ADAMTS6: variants seen among roughly 807,000 people sequenced by gnomAD.
ADAMTS6 encodes the protein ADAM metallopeptidase with thrombospondin type 1 motif 6.
A neutral mutation model predicts 144.3 loss-of-function variants in ADAMTS6; 23 were observed. The ratio of observed to expected loss-of-function variants is 0.16; its 90% CI spans 0.11 to 0.23. ADAMTS6 has a LOEUF of 0.23. ADAMTS6 is among the 10% of genes least tolerant of loss of function. ADAMTS6 has a pLI of 1.00. For synonymous variants in ADAMTS6, 444 were observed against 457.5 expected, an observed-to-expected ratio of 0.97 and a Z score of 0.38; for missense variants, 999 against 1,379.6, an observed-to-expected ratio of 0.72 and a Z score of 4.37.
chr5:65,371,631 A>G (rs1043889454), intron 7 of ADAMTS6, among the ~76,000 whole-genome samples: 1 of 152,210 alleles, frequency 6.6e-6, no homozygotes, highest in African/African-American at 2.4e-5. Context: ...TGAAAAGACC[A>G]AATCTACGTC....
chr5:65,181,259 A>T (rs1458075615), intron 22 of ADAMTS6, among the ~76,000 whole-genome samples: 1 of 152,238 alleles, frequency 6.6e-6, no homozygotes, highest in Non-Finnish European at 1.5e-5. Context: ...GACCTAATCC[A>T]AGTCTTTGAG....
intron 7 of ADAMTS6, among the ~76,000 whole-genome samples, chr5:65,384,030 G>A (rs1003687935): frequency 6.6e-6 from 1 of 152,180 alleles, no homozygotes; most frequent in African/African-American, 2.4e-5. Flanking sequence ...GCCTTAAAAC[G>A]TTCCACCACC....
chr5:65,425,000 G>T (rs980140789), intron 7 of ADAMTS6, among the ~76,000 whole-genome samples: 5 of 151,550 alleles, frequency 3.3e-5, no homozygotes, highest in Non-Finnish European at 5.9e-5. Context: ...TTGTTTGTTT[G>T]TTTTGTTTTT....
intron 7 of ADAMTS6, among the ~76,000 whole-genome samples, chr5:65,370,702 G>A (rs1293135421): frequency 6.6e-6 from 1 of 152,220 alleles, no homozygotes; most frequent in Non-Finnish European, 1.5e-5. Flanking sequence ...TGGGGGAGGG[G>A]CGCCCACCAT....
intron 18 of ADAMTS6, among the ~76,000 whole-genome samples, chr5:65,220,525 T>G (rs1429584421): frequency 2.0e-5 from 3 of 151,618 alleles, no homozygotes; most frequent in Non-Finnish European, 4.4e-5. Flanking sequence ...GGCGGGTGCA[T>G]CATGAGGTCA....
chr5:65,203,689 T>G (rs1162821501), intron 20 of ADAMTS6, among the ~76,000 whole-genome samples: 1 of 152,134 alleles, frequency 6.6e-6, no homozygotes, highest in East Asian at 1.9e-4. Context: ...TTTCTTCAAC[T>G]AAAGATGGAA....
chr5:65,449,242 T>A (rs1367071994), intron 7 of ADAMTS6, among the ~76,000 whole-genome samples: 3 of 152,238 alleles, frequency 2.0e-5, no homozygotes, highest in African/African-American at 7.2e-5. Context: ...TAATATGATA[T>A]GAACTCTTCG....
intron 7 of ADAMTS6, among the ~76,000 whole-genome samples, chr5:65,421,967 T>G (rs1756083133): frequency 6.6e-6 from 1 of 152,216 alleles, no homozygotes; most frequent in South Asian, 2.1e-4. Context: ...AAATGGGACC[T>G]TGTTAAAAAG....
intron 7 of ADAMTS6, among the ~76,000 whole-genome samples, chr5:65,350,197 C>T (rs570590319): frequency 1.3e-5 from 2 of 152,298 alleles, no homozygotes; most frequent in South Asian, 4.1e-4. Context: ...TTCTAACATT[C>T]TCAGTGTAAA....
intron 22 of ADAMTS6, among the ~76,000 whole-genome samples, chr5:65,173,724 C>T (rs1047593527): frequency 6.6e-6 from 1 of 152,106 alleles, no homozygotes; most frequent in African/African-American, 2.4e-5. Flanking sequence ...CTGGACCCTT[C>T]CTTAAAATAT....
chr5:65,161,543 G>C (rs756107042), intron 24 of ADAMTS6, among the ~76,000 whole-genome samples: 1 of 152,016 alleles, frequency 6.6e-6, no homozygotes, highest in Non-Finnish European at 1.5e-5. Context: ...TCCTTCATTT[G>C]AGCACTTGTG....
intron 7 of ADAMTS6, among the ~76,000 whole-genome samples, chr5:65,408,039 AATC>A (rs1754715044): frequency 6.6e-6 from 1 of 152,208 alleles, no homozygotes; most frequent in Non-Finnish European, 1.5e-5. Flanking sequence ...GCCACTGAAA[AATC>A]ATGCCAAAAT....
intron 15 of ADAMTS6, among the ~76,000 whole-genome samples, chr5:65,228,237 C>T (rs1256270669): frequency 7.2e-6 from 1 of 139,166 alleles, no homozygotes; most frequent in Non-Finnish European, 1.5e-5. Flanking sequence ...GCATTTTGTG[C>T]ATTAGGCTTT....
chr5:65,435,726 A>G (rs1757344257), intron 7 of ADAMTS6, among the ~76,000 whole-genome samples: 1 of 151,544 alleles, frequency 6.6e-6, no homozygotes, highest in Non-Finnish European at 1.5e-5. Context: ...CCTGGGTTCG[A>G]GCGATTCTTC....
chr5:65,224,376 G>C lies in ADAMTS6; in HGVS notation c.2216C>G (p.Pro739Arg). The C allele has an allele frequency of 6.2e-7, 1 of 1,614,038 alleles. No homozygotes were observed. Reference protein sequence around the residue: ...RGGYMEVVQIPRGSVHIEVRE... With the variant: ...RGGYMEVVQIRRGSVHIEVRE... ...AACTTCAATGTGAACAGAGCCTCTT[G>C]GTATCTGCACCACTTCCATGTAGCC... Residue 739 changes from proline (P) to arginine (R), a missense_variant, in exon 18 of 25, where the codon CCA becomes CGA. By Grantham distance (103) the Pro-to-Arg change is moderately radical. Coordinates refer to ENST00000381055, the MANE Select transcript of ADAMTS6 (RefSeq NM_197941.4).
At chr5:65,201,322 GTGT>G (rs34110656) in intron 20 of ADAMTS6, among the ~76,000 whole-genome samples, 10,242 of 152,160 alleles carry the variant, frequency 0.067, 439 homozygotes, top group Non-Finnish European at 0.1. Context: ...ATGTTCTCAT[GTGT>G]TCCTATCTTT....
chr5:65,411,606 G>T (rs564204760), intron 7 of ADAMTS6, among the ~76,000 whole-genome samples: 31 of 152,190 alleles, frequency 2.0e-4, no homozygotes, highest in African/African-American at 7.0e-4. Flanking sequence ...TGAGTGACGT[G>T]GGAGTTTGAT....
intron 7 of ADAMTS6, among the ~76,000 whole-genome samples, chr5:65,402,823 T>C (rs542812868): frequency 6.6e-6 from 1 of 152,172 alleles, no homozygotes; most frequent in Admixed American, 6.6e-5. Context: ...TATCATACAA[T>C]ATATGATCCT....
intron 7 of ADAMTS6, among the ~76,000 whole-genome samples, chr5:65,386,635 C>T (rs1404648871): frequency 6.6e-6 from 1 of 152,072 alleles, no homozygotes; most frequent in East Asian, 1.9e-4. Context: ...ACACCCAGGC[C>T]AGAGTGCAGT....
Sources: gnomAD v4.1 joint callset for allele counts (sites outside exome capture counted in the v4.1 genomes callset) on GRCh38, gnomAD v4.1.1 for gene constraint, MANE v1.5 for transcripts, NCBI Gene and HGNC (gene_info 2026-07-23, HGNC 2026-07-21) for gene names.